The following ENTHD1 variants were observed in gnomAD, a reference collection of about 807,000 sequenced individuals.
ENTHD1 encodes ENTH domain-containing protein 1.
In ENTHD1, 23 loss-of-function variants were observed where a neutral mutation model predicts 39.1. The ratio of observed to expected loss-of-function variants is 0.59; its 90% CI spans 0.42 to 0.83. The LOEUF (loss-of-function observed/expected upper bound fraction) is 0.83, where lower values mean the gene tolerates loss of function less well. Ranked by LOEUF, ENTHD1 falls within the 40% of genes least tolerant of loss-of-function variation. The pLI is 0.00. For synonymous variants in ENTHD1, 230 were observed against 258.2 expected, an observed-to-expected ratio of 0.89 and a Z score of 1.05; for missense variants, 624 against 705.4, an observed-to-expected ratio of 0.88 and a Z score of 1.31.
At chr22:39,837,283 T>G (rs1240780462) in intron 3 of ENTHD1, among the ~76,000 whole-genome samples, 2 of 152,192 alleles carry the variant, frequency 1.3e-5, no homozygotes, top group East Asian at 3.9e-4. Context: ...TAGATAGTTT[T>G]AAAGGAAGCA....
intron 5 of ENTHD1, among the ~76,000 whole-genome samples, chr22:39,769,274 G>C (rs915947058): frequency 2.0e-4 from 31 of 152,128 alleles, no homozygotes; most frequent in Admixed American, 3.9e-4. Context: ...ACCCCAAAAG[G>C]CAGACTTGGA....
intron 6 of ENTHD1, among the ~76,000 whole-genome samples, chr22:39,745,085 C>T (rs926266712): frequency 1.4e-4 from 22 of 152,208 alleles, no homozygotes; most frequent in African/African-American, 5.1e-4. Flanking sequence ...TGGGCAGTTG[C>T]ATACTGTGCC....
chr22:39,794,370 T>C (rs1335049155), intron 5 of ENTHD1, among the ~76,000 whole-genome samples: 2 of 152,176 alleles, frequency 1.3e-5, no homozygotes, highest in African/African-American at 4.8e-5. Context: ...AGTCTTTAGG[T>C]TTTTCTAAAT....
intron 4 of ENTHD1, among the ~76,000 whole-genome samples, chr22:39,826,528 C>A (rs1212852435): frequency 6.6e-6 from 1 of 151,952 alleles, no homozygotes; most frequent in Non-Finnish European, 1.5e-5. Flanking sequence ...TGATTTCAAA[C>A]CTTTCCTCTT....
Position 39,744,142 on chromosome 22 carries a change from A to C in ENTHD1, c.1361T>G (p.Leu454Trp). 1 of 1,614,184 alleles carries C rather than the reference A, an allele frequency of 6.2e-7. No homozygotes were observed. The highest frequency in any genetic ancestry group is 8.5e-7 in the Non-Finnish European group (1 of 1,179,996). ...TTCATCTTTAAAGGAGGTAGAAGAC[A>C]ACTGTTGATGGGACAGAGTCCAGAA... Reference protein sequence around the residue: ...PSFWTLSHQQLSSTSFKDEDK... With the variant: ...PSFWTLSHQQWSSTSFKDEDK... Residue 454 changes from leucine to tryptophan, a missense_variant, in exon 7 of 7, where the codon TTG becomes TGG. Transcript: ENST00000325157.
At chr22:39,796,239 T>A (rs1267901027) in intron 5 of ENTHD1, among the ~76,000 whole-genome samples, 1 of 152,148 alleles carries the variant, frequency 6.6e-6, no homozygotes, top group Non-Finnish European at 1.5e-5. Context: ...GTCCCACTAA[T>A]TTTGGTATGC....
intron 2 of ENTHD1, among the ~76,000 whole-genome samples, chr22:39,873,750 C>G (rs180973079): frequency 6.6e-6 from 1 of 152,182 alleles, no homozygotes; most frequent in Non-Finnish European, 1.5e-5. Flanking sequence ...TAAGAATGAA[C>G]TCTATCTCAC....
intron 5 of ENTHD1, among the ~76,000 whole-genome samples, chr22:39,794,646 CA>C (rs902059647): frequency 5.3e-5 from 8 of 150,198 alleles, no homozygotes; most frequent in Non-Finnish European, 1.0e-4. Flanking sequence ...ACTAAAAATA[CA>C]AAAAAAAATA....
intron 3 of ENTHD1, among the ~76,000 whole-genome samples, chr22:39,861,279 C>A (rs527289484): frequency 6.6e-6 from 1 of 152,328 alleles, no homozygotes; most frequent in Non-Finnish European, 1.5e-5. Context: ...GTGGCTCACG[C>A]CTATAATCCC....
At chr22:39,749,572 C>T (rs984846108) in intron 6 of ENTHD1, among the ~76,000 whole-genome samples, 11 of 152,190 alleles carry the variant, frequency 7.2e-5, no homozygotes, top group South Asian at 2.1e-4. Context: ...TTTCTGTAGG[C>T]AGAAGGTCTT....
chr22:39,801,027 G>A (rs1026680547), intron 5 of ENTHD1, among the ~76,000 whole-genome samples: 1 of 152,192 alleles, frequency 6.6e-6, no homozygotes, highest in African/African-American at 2.4e-5. Context: ...GCCCGGGCAG[G>A]GGATGATAAG....
chr22:39,796,739 C>T (rs557412732), intron 5 of ENTHD1, among the ~76,000 whole-genome samples: 1 of 152,268 alleles, frequency 6.6e-6, no homozygotes, highest in East Asian at 1.9e-4. Context: ...TCTGAAAAGA[C>T]ATTTCATACA....
At chr22:39,764,416 T>C (rs1360356016) in intron 6 of ENTHD1, among the ~76,000 whole-genome samples, 2 of 152,176 alleles carry the variant, frequency 1.3e-5, no homozygotes, top group East Asian at 1.9e-4. Flanking sequence ...AGTTTGAAGC[T>C]GCAGTGAGCT....
In ENTHD1 at chr22:39,778,890, C is replaced by T. The variant is rs35789247; in HGVS notation, c.833-13281G>A. 3.2e-3 allele frequency among the ~76,000 whole-genome samples: 486 copies of T among 152,220 alleles called. 5 individuals carry two copies. Among genetic ancestry groups the T allele is most frequent in the African/African-American group, 0.011 (469 of 41,512 alleles). ...TGTACTACAAACGTGCCCAAGAATACAAAAGCCAGAATCATTAGGCCAGTG... is the reference window on the plus strand; with the variant it reads ...TGTACTACAAACGTGCCCAAGAATATAAAAGCCAGAATCATTAGGCCAGTG... On this transcript the variant is annotated intron_variant, in intron 5 of 6. Transcript: ENST00000325157.
At position 39,765,492 on chromosome 22, in the gene ENTHD1, A is replaced by AAAGGTGTTT; in HGVS notation, c.941_949dup (p.Pro316_Leu317insTer). 2 of 1,613,906 alleles carry AAAGGTGTTT rather than the reference A, an allele frequency of 1.2e-6. No homozygotes were observed. The highest frequency in any genetic ancestry group is 1.7e-6 in the Non-Finnish European group (2 of 1,179,936). On this transcript the variant is annotated stop_gained, in exon 6 of 7. Coordinates refer to ENST00000325157, the MANE Select transcript of ENTHD1 (RefSeq NM_152512.4). LOFTEE classifies it high-confidence loss of function. ...ACCTTCTGCAGCTGATTGCTTTTCT[A>AAAGGTGTTT]AAGGTGTTTCCAAGAGGTTTTCTGT...
Position 39,743,930 on chromosome 22 carries a change from T to A in ENTHD1, c.1573A>T (p.Ile525Phe). ...EFSTQNVDQFIPLSCSGFQST... is the reference protein window; with the variant it reads ...EFSTQNVDQFFPLSCSGFQST... ...TGAAAACCAGAACAGGACAGAGGGATGAACTGGTCTACATTTTGGGTGGAA... is the reference window on the plus strand; with the variant it reads ...TGAAAACCAGAACAGGACAGAGGGAAGAACTGGTCTACATTTTGGGTGGAA... The change falls in exon 7 of 7, where the codon ATC becomes TTC. Residue 525 changes from isoleucine (I) to phenylalanine (F), a missense_variant. By Grantham distance (21) the Ile-to-Phe change is conservative (BLOSUM62 0). Coordinates refer to ENST00000325157, the MANE Select transcript of ENTHD1 (RefSeq NM_152512.4). The A allele has an allele frequency of 6.2e-7, 1 of 1,614,040 alleles. No individual in the cohort carries two copies. The highest frequency in any genetic ancestry group is 2.2e-5 in the East Asian group (1 of 44,898).
At chr22:39,849,881 T>C (rs2066021274) in intron 3 of ENTHD1, among the ~76,000 whole-genome samples, 1 of 152,180 alleles carries the variant, frequency 6.6e-6, no homozygotes, top group African/African-American at 2.4e-5. Context: ...CTCTTGCTTG[T>C]TTTACTGTGA....
At chr22:39,843,478 T>G (rs111678452) in intron 3 of ENTHD1, among the ~76,000 whole-genome samples, 325 of 96,294 alleles carry the variant, frequency 3.4e-3, no homozygotes, top group Middle Eastern at 6.1e-3. Context: ...GGGGAGGGGG[T>G]AGGGATAGCA....
At chr22:39,839,013 A>G (rs1220707898) in intron 3 of ENTHD1, among the ~76,000 whole-genome samples, 1 of 152,146 alleles carries the variant, frequency 6.6e-6, no homozygotes, top group South Asian at 2.1e-4. Flanking sequence ...TAAAAGATGG[A>G]TATAACTTAA....
Sources: allele counts gnomAD v4.1 joint callset (sites outside exome capture counted in the v4.1 genomes callset), GRCh38; gene constraint gnomAD v4.1.1; transcripts MANE v1.5; gene names NCBI Gene and HGNC (gene_info 2026-07-23, HGNC 2026-07-21).